The following NWD1 variants were observed in gnomAD, a reference collection of about 807,000 sequenced individuals.
NWD1 encodes NACHT domain- and WD repeat-containing protein 1.
In NWD1, 129 loss-of-function variants were observed where a neutral mutation model predicts 135.1. The ratio of observed to expected loss-of-function variants is 0.96; its 90% CI spans 0.83 to 1.11. NWD1 has a LOEUF of 1.11. Among genes scored for constraint, NWD1 ranks in the 50% least tolerant of loss-of-function variants. NWD1 has a pLI of 0.00. For synonymous variants in NWD1, 773 were observed against 786.0 expected, an observed-to-expected ratio of 0.98 and a Z score of 0.28; for missense variants, 1,740 against 1,851.3, an observed-to-expected ratio of 0.94 and a Z score of 1.10.
chr19:16,748,462 T>C (rs1319754768), intron 5 of NWD1, among the ~76,000 whole-genome samples: 2 of 152,152 alleles, frequency 1.3e-5, no homozygotes, highest in Non-Finnish European at 2.9e-5. Context: ...GATGACAGCA[T>C]TGTTTTACAG....
intron 2 of NWD1, among the ~76,000 whole-genome samples, chr19:16,725,248 C>T (rs1327459346): frequency 2.0e-5 from 3 of 151,912 alleles, no homozygotes; most frequent in Non-Finnish European, 4.4e-5. Context: ...AAATGATTCG[C>T]CTGTCTTGGA....
chr19:16,797,991 T>C, intron 16 of NWD1, 105 bp downstream of exon 16: 1 of 1,088,840 alleles, frequency 9.2e-7, no homozygotes, highest in African/African-American at 1.6e-5. Flanking sequence ...CAAAAATGAG[T>C]GCAGGCAAAA....
At chr19:16,775,016 CTATT>C (rs1404560284) in intron 11 of NWD1, among the ~76,000 whole-genome samples, 1 of 152,154 alleles carries the variant, frequency 6.6e-6, no homozygotes, top group Non-Finnish European at 1.5e-5. Flanking sequence ...ATTCACCCAT[CTATT>C]TATCTGCCCA....
At chr19:16,802,435 A>C (rs888043754) in intron 17 of NWD1, among the ~76,000 whole-genome samples, 1 of 142,556 alleles carries the variant, frequency 7.0e-6, no homozygotes, top group Non-Finnish European at 1.5e-5. Context: ...ACTCCAGCCT[A>C]GGTGACAGAG....
At chr19:16,810,791 TGAA>T (rs1454430955) in intron 18 of NWD1, among the ~76,000 whole-genome samples, 3 of 152,132 alleles carry the variant, frequency 2.0e-5, no homozygotes, top group Non-Finnish European at 2.9e-5. Flanking sequence ...TAAACAAAAA[TGAA>T]GAAATTAACA....
At chr19:16,806,310 G>A (rs998019158) in intron 17 of NWD1, among the ~76,000 whole-genome samples, 7 of 152,240 alleles carry the variant, frequency 4.6e-5, no homozygotes, top group Admixed American at 4.6e-4. Context: ...CCTGGGAATT[G>A]CCCACTGATG....
chr19:16,811,447 G>C lies in NWD1; in HGVS notation c.4287+3311G>C, dbSNP rs186918316. On this transcript the variant is annotated intron_variant, in intron 18 of 18. Coordinates refer to ENST00000524140, the MANE Select transcript of NWD1 (RefSeq NM_001007525.5). ...AAAAATACAAAAATTAGCCGGGCAT[G>C]GTGGTGCATGCCTGTAATCCCAGCT... Among the ~76,000 whole-genome samples the C allele has an allele frequency of 5.4e-4, 82 of 151,988 alleles. 1 individual carries two copies. Among genetic ancestry groups the C allele is most frequent in the African/African-American group, 2.0e-3 (81 of 41,462 alleles).
In NWD1 at chr19:16,804,754, G is replaced by A. The variant is rs146038099; in HGVS notation, c.3737-2832G>A. On this transcript the variant is annotated intron_variant, in intron 17 of 18. Transcript: ENST00000524140. ...GGTGAGTGTCCTCTTTCTGGGTCAT[G>A]GATGGCCAGATTTTCTTTGTCCTCA... is the stretch of plus-strand genomic sequence containing the variant. Among the ~76,000 whole-genome samples, 21 of 152,052 alleles carry A rather than the reference G, an allele frequency of 1.4e-4. No homozygotes were observed. The East Asian group carries it at 4.1e-3, about 29-fold the overall frequency.
At chr19:16,724,734 C>T (rs1010476481) in intron 2 of NWD1, among the ~76,000 whole-genome samples, 1 of 152,112 alleles carries the variant, frequency 6.6e-6, no homozygotes, top group African/African-American at 2.4e-5. Context: ...GCTCCTATTG[C>T]CCAGGCTGGA....
chr19:16,749,098 A>G lies in NWD1; in HGVS notation c.497-41A>G, dbSNP rs541906899. ...CCCATTTAGGTCAGCTGCTGACCCA[A>G]TAATGACCACACTTCCTTCCCACCT... is the stretch of plus-strand genomic sequence containing the variant. On this transcript the variant is annotated intron_variant, in intron 5 of 18. Transcript: ENST00000524140. 1.3e-5 allele frequency: 20 copies of G among 1,520,310 alleles called. No homozygotes were observed. In the African/African-American group the frequency reaches 1.7e-4, roughly 13 times the overall value. The allele number at this position is 1,520,310 out of a possible 1,614,324, so 94.2% of individuals were successfully genotyped here.
intron 17 of NWD1, among the ~76,000 whole-genome samples, chr19:16,802,054 G>A (rs1370570539): frequency 3.9e-5 from 6 of 152,066 alleles, no homozygotes; most frequent in African/African-American, 1.4e-4. Flanking sequence ...GGGAGGCTGA[G>A]TTGGGTGGAT....
chr19:16,731,703 C>T (rs1467610940), intron 3 of NWD1, among the ~76,000 whole-genome samples: 2 of 151,234 alleles, frequency 1.3e-5, no homozygotes, highest in Non-Finnish European at 2.9e-5. Flanking sequence ...CTCCAGGGTT[C>T]AAGCGATTCT....
At chr19:16,759,186 A>C in intron 6 of NWD1, 39 bp from the exon 7 acceptor site, 2 of 1,533,098 alleles carry the variant, frequency 1.3e-6, no homozygotes, top group East Asian at 2.2e-5. Context: ...TGCAGAAGAC[A>C]TGAGATGTGC....
At chr19:16,802,013 T>C (rs1310330779) in intron 17 of NWD1, among the ~76,000 whole-genome samples, 2 of 151,998 alleles carry the variant, frequency 1.3e-5, no homozygotes, top group African/African-American at 4.8e-5. Context: ...TGGCCGGGCA[T>C]GGTGGCTCAC....
chr19:16,755,768 G>A (rs1968769582), intron 6 of NWD1, among the ~76,000 whole-genome samples: 2 of 151,656 alleles, frequency 1.3e-5, no homozygotes, highest in South Asian at 4.2e-4. Flanking sequence ...AAACTCCTGG[G>A]CTCAAGCGAT....
chr19:16,794,878 C>T (rs980044921), intron 15 of NWD1, among the ~76,000 whole-genome samples: 1 of 152,030 alleles, frequency 6.6e-6, no homozygotes, highest in Non-Finnish European at 1.5e-5. Context: ...AATTTCTGGG[C>T]TCAAACGATC....
chr19:16,781,729 A>T (rs1156698471), intron 12 of NWD1, among the ~76,000 whole-genome samples: 1 of 152,150 alleles, frequency 6.6e-6, no homozygotes, highest in Non-Finnish European at 1.5e-5. Context: ...TGAATAAATA[A>T]GTTAAAATAT....
chr19:16,750,096 ACC>A lies in NWD1; in HGVS notation c.1456_1457del (p.Pro486GlyfsTer55). 1 of 1,613,910 alleles carries A rather than the reference ACC, an allele frequency of 6.2e-7. No individual in the cohort carries two copies. Among genetic ancestry groups the A allele is most frequent in the Non-Finnish European group, 8.5e-7 (1 of 1,179,988 alleles). ...GACACCTTGCAGCGGGTGCTCCTGG[ACC>A]CGGAGGCCTACTGGGAGGTGAAGCC... On this transcript the variant is annotated frameshift_variant, in exon 6 of 19. Transcript: ENST00000524140. LOFTEE classifies it high-confidence loss of function.
intron 17 of NWD1, among the ~76,000 whole-genome samples, chr19:16,803,252 A>G (rs1335273330): frequency 6.6e-6 from 1 of 152,164 alleles, no homozygotes; most frequent in Non-Finnish European, 1.5e-5. Flanking sequence ...ATTGCAATTC[A>G]AAATGAGATT....
Sources: allele counts gnomAD v4.1 joint callset (sites outside exome capture counted in the v4.1 genomes callset), GRCh38; gene constraint gnomAD v4.1.1; transcripts MANE v1.5; gene names NCBI Gene and HGNC (gene_info 2026-07-23, HGNC 2026-07-21).